Variants in PCDHA5 observed in about 807,000 individuals in gnomAD.
The protein encoded by PCDHA5 is protocadherin alpha-5.
A neutral mutation model predicts 61.6 loss-of-function variants in PCDHA5; 43 were observed. That is an observed-to-expected ratio of 0.70 (90% CI 0.55 to 0.90). The LOEUF (loss-of-function observed/expected upper bound fraction) is 0.90, where lower values mean the gene tolerates loss of function less well. PCDHA5 is among the 40% of genes least tolerant of loss of function. The pLI is 0.00. For missense variants in PCDHA5, 1,298 were observed against 1,222.7 expected (o/e 1.06, Z -0.92); for synonymous variants, 627 against 543.9 (o/e 1.15, Z -2.13).
In PCDHA5 at chr5:140,853,855, T is replaced by C. The variant is rs1179807632; in HGVS notation, c.2352+29728T>C. On this transcript the variant is annotated intron_variant, in intron 1 of 3. Transcript: ENST00000529859. The stretch of plus-strand genomic sequence containing the variant: ...GAAATTTTAGATCCATAGCCCTATT[T>C]GATACTTGACAGTGCAAGTTTCTGT... 3.0e-6 allele frequency: 3 copies of C among 985,756 alleles called. No homozygotes were observed. In the African/African-American group the frequency reaches 5.3e-5, roughly 17 times the overall value. 61.1% of individuals were successfully genotyped at this position (985,756 alleles called of 1,614,324 possible). A position where few individuals can be genotyped will look rare whatever the true frequency, so the allele number is the denominator to read the frequency against.
chr5:140,876,301 A>G (rs2056269338), intron 1 of PCDHA5: 2 of 1,614,076 alleles, frequency 1.2e-6, no homozygotes, highest in East Asian at 4.5e-5. Flanking sequence ...TAATGGAGAA[A>G]TTTCCTATGG....
chr5:140,821,991 C>A lies in PCDHA5; in HGVS notation c.216C>A (p.Asp72Glu), dbSNP rs782271106. 1.2e-6 allele frequency: 2 copies of A among 1,614,008 alleles called. No homozygotes were observed. Among genetic ancestry groups the A allele is most frequent in the Non-Finnish European group, 1.7e-6 (2 of 1,180,042 alleles). ...GGGTGGCGTCCAAGGGCCGCGGGGA[C>A]CTTCTGGAGGTAAATCTGCAGAATG... ...LFRVASKGRGDLLEVNLQNGI... is the reference protein window; with the variant it reads ...LFRVASKGRGELLEVNLQNGI... Residue 72 changes from aspartate to glutamate, a missense_variant, in exon 1 of 4, where the codon GAC becomes GAA. Asp to Glu is a conservative substitution (Grantham distance 45). Coordinates refer to ENST00000529859, the MANE Select transcript of PCDHA5 (RefSeq NM_018908.3).
intron 1 of PCDHA5, among the ~76,000 whole-genome samples, chr5:140,881,897 C>T (rs2058860141): frequency 6.6e-6 from 1 of 152,146 alleles, no homozygotes; most frequent in African/African-American, 2.4e-5. Context: ...CAATTGTCAG[C>T]TAATATAAAA....
In PCDHA5 at chr5:140,883,728, A is replaced by G. The variant is rs781971725; in HGVS notation, c.2352+59601A>G. 2 of 1,613,392 alleles carry G rather than the reference A, an allele frequency of 1.2e-6. No homozygotes were observed. The highest frequency in any genetic ancestry group is 2.7e-5 in the African/African-American group (2 of 74,914). On this transcript the variant is annotated intron_variant, in intron 1 of 3. Transcript: ENST00000529859. ...GCTCAGGACGCGGACGCACAGGAGA[A>G]CGCGCTGGTCTCCTACTCGCTGGTG...
At chr5:140,920,107 C>A (rs1480708499) in intron 1 of PCDHA5, among the ~76,000 whole-genome samples, 1 of 152,300 alleles carries the variant, frequency 6.6e-6, no homozygotes, top group Non-Finnish European at 1.5e-5. Flanking sequence ...GGGAGTGCAA[C>A]CTTGCCAACA....
In PCDHA5 at chr5:140,968,789, G is replaced by A. The variant is rs782339889; in HGVS notation, c.2353-10160G>A. 16 of 1,614,060 alleles carry A rather than the reference G, an allele frequency of 9.9e-6. No individual in the cohort carries two copies. In the African/African-American group the frequency reaches 1.7e-4, roughly 18 times the overall value. On this transcript the variant is annotated intron_variant, in intron 1 of 3. Transcript: ENST00000529859. The stretch of plus-strand genomic sequence containing the variant: ...AGAGCCATCACTATCAGCCTCTGTG[G>A]CCATTACAGTAGCTGTGGTGGATAG...
intron 1 of PCDHA5, chr5:140,836,934 A>G (rs904378131): frequency 1.9e-5 from 9 of 477,852 alleles, no homozygotes; most frequent in Non-Finnish European, 2.9e-5. Context: ...GCGTAATACT[A>G]TAGATCAAAA....
At chr5:140,899,111 A>G (rs2067143820) in intron 1 of PCDHA5, among the ~76,000 whole-genome samples, 1 of 152,186 alleles carries the variant, frequency 6.6e-6, no homozygotes, top group Admixed American at 6.5e-5. Context: ...GGGGTTTTCT[A>G]GATATACAAT....
chr5:140,843,813 T>A, intron 1 of PCDHA5: 3 of 1,270,692 alleles, frequency 2.4e-6, no homozygotes, highest in Non-Finnish European at 3.3e-6. Flanking sequence ...TATTTTATAG[T>A]GAAAATTTAA....
chr5:140,854,665 T>C (rs2043184095), intron 1 of PCDHA5: 1 of 150,092 alleles, frequency 6.7e-6, no homozygotes, highest in Non-Finnish European at 1.5e-5. Context: ...AATTAACCCT[T>C]GCATAAGACC....
chr5:140,898,817 C>T (rs1381051036), intron 1 of PCDHA5, among the ~76,000 whole-genome samples: 1 of 151,766 alleles, frequency 6.6e-6, no homozygotes, highest in Admixed American at 6.6e-5. Context: ...TCTTCCTACC[C>T]ATGAGCATGG....
chr5:140,934,004 T>G (rs556218652), intron 1 of PCDHA5, among the ~76,000 whole-genome samples: 1 of 152,204 alleles, frequency 6.6e-6, no homozygotes, highest in Non-Finnish European at 1.5e-5. Flanking sequence ...CCTCTCATTT[T>G]TCTTGACTAG....
intron 1 of PCDHA5, among the ~76,000 whole-genome samples, chr5:140,973,344 A>G (rs1389229715): frequency 1.3e-5 from 2 of 152,258 alleles, no homozygotes; most frequent in African/African-American, 2.4e-5. Flanking sequence ...AAAGTGACAT[A>G]GTAGTGAATT....
At chr5:140,938,752 A>G (rs1213369856) in intron 1 of PCDHA5, among the ~76,000 whole-genome samples, 1 of 152,146 alleles carries the variant, frequency 6.6e-6, no homozygotes, top group Non-Finnish European at 1.5e-5. Flanking sequence ...TTTTAAAGGC[A>G]TAGTTATTGG....
Position 140,822,581 on chromosome 5 carries a change from A to T in PCDHA5, c.806A>T (p.Asp269Val). ...LVIKLNASDA[D>V]EGINKEIVYF... ...ATTAAACTGAACGCCTCAGATGCAG[A>T]TGAGGGCATCAATAAGGAAATAGTG... The change falls in exon 1 of 4, where the codon GAT (aspartate) becomes GTT (valine). Residue 269 changes from aspartate (D) to valine (V), a missense_variant. Physicochemically the swap from Asp to Val is radical, Grantham distance 152 (BLOSUM62 -3). Coordinates refer to ENST00000529859, the MANE Select transcript of PCDHA5 (RefSeq NM_018908.3). 1 of 1,610,708 alleles carries T rather than the reference A, an allele frequency of 6.2e-7. No homozygotes were observed. Among genetic ancestry groups the T allele is most frequent in the Non-Finnish European group, 8.5e-7 (1 of 1,177,056 alleles).
intron 1 of PCDHA5, chr5:140,858,095 G>C: frequency 1.3e-6 from 2 of 1,597,916 alleles, no homozygotes; most frequent in Non-Finnish European, 1.7e-6. Context: ...GCGGGCTTCA[G>C]TGGGCGTGGC....
intron 1 of PCDHA5, among the ~76,000 whole-genome samples, chr5:140,948,089 G>A (rs1348120900): frequency 6.6e-6 from 1 of 151,454 alleles, no homozygotes; most frequent in African/African-American, 2.4e-5. Flanking sequence ...CTATTGATAT[G>A]AGCATATGAT....
At chr5:141,007,498 G>T (rs936217793) in intron 3 of PCDHA5, among the ~76,000 whole-genome samples, 2 of 151,942 alleles carry the variant, frequency 1.3e-5, no homozygotes, top group Admixed American at 1.3e-4. Context: ...GACCTAGGAG[G>T]CAGAGACTGC....
At chr5:140,917,332 G>GC (rs1293292013) in intron 1 of PCDHA5, among the ~76,000 whole-genome samples, 1 of 145,540 alleles carries the variant, frequency 6.9e-6, no homozygotes, top group Non-Finnish European at 1.5e-5. Flanking sequence ...GGCGGGGGAG[G>GC]GGGGGGATGG....
Sources: gnomAD v4.1 joint callset for allele counts (sites outside exome capture counted in the v4.1 genomes callset) on GRCh38, gnomAD v4.1.1 for gene constraint, MANE v1.5 for transcripts, NCBI Gene and HGNC (gene_info 2026-07-23, HGNC 2026-07-21) for gene names.